Variants in HOMER2 observed in about 807,000 individuals in gnomAD.
HOMER2 encodes the protein homer scaffold protein 2, also known as homer protein homolog 2.
In HOMER2, 27 loss-of-function variants were observed where a neutral mutation model predicts 47.0. That is an observed-to-expected ratio of 0.57 (90% CI 0.42 to 0.79). The LOEUF is 0.79. Ranked by LOEUF, HOMER2 falls within the 30% of genes least tolerant of loss-of-function variation. The probability of loss-of-function intolerance (pLI) is 0.00; values close to 1 mark genes in which losing one functional copy is unlikely to be tolerated. For synonymous variants in HOMER2, 161 were observed against 163.8 expected, an observed-to-expected ratio of 0.98 and a Z score of 0.13; for missense variants, 443 against 435.0, an observed-to-expected ratio of 1.02 and a Z score of -0.16.
chr15:82,851,300 A>C, intron 7 of HOMER2, 69 bp from the exon 8 acceptor site: 7 of 1,081,680 alleles, frequency 6.5e-6, no homozygotes, highest in Middle Eastern at 2.0e-4. Context: ...AAAATCACCA[A>C]TGTGTGCACG....
intron 1 of HOMER2, among the ~76,000 whole-genome samples, chr15:82,906,563 G>C (rs985174064): frequency 1.3e-5 from 2 of 151,980 alleles, no homozygotes; most frequent in Non-Finnish European, 2.9e-5. Context: ...CTCCTGAGTA[G>C]CTGGGATTAC....
At chr15:82,955,368 A>C (rs559992157), upstream of HOMER2, among the ~76,000 whole-genome samples, 13 of 151,474 alleles carry the variant, frequency 8.6e-5, no homozygotes, top group South Asian at 2.7e-3. Context: ...ATGGGGTTTC[A>C]CCATGTTAGC....
At chr15:82,906,318 T>C (rs930846241) in intron 1 of HOMER2, among the ~76,000 whole-genome samples, 2 of 152,088 alleles carry the variant, frequency 1.3e-5, no homozygotes, top group Admixed American at 6.5e-5. Context: ...GTAACAAATA[T>C]GACAGATATT....
At position 82,893,623 on chromosome 15, in the gene HOMER2, G is replaced by GC. The variant is rs202189656; in HGVS notation, c.6-783dup. ...TAGGATTATAGGCGTAAGCCACTGC[G>GC]CCTTTTTTTTTTTTTTTTTAAGAGA... On this transcript the variant is annotated intron_variant, in intron 1 of 8. Coordinates refer to ENST00000450735, the MANE Select transcript of HOMER2 (RefSeq NM_004839.4). 2.4e-3 allele frequency among the ~76,000 whole-genome samples: 334 copies of GC among 137,742 alleles called. 2 individuals are homozygous for GC. Among genetic ancestry groups the GC allele is most frequent in the African/African-American group, 8.9e-3 (303 of 33,972 alleles). The allele number at this position is 137,742 out of a possible 152,430, so 90.4% of individuals were successfully genotyped here.
At chr15:82,961,259 T>C (rs1433266401) in intron 1 of HOMER2, among the ~76,000 whole-genome samples, 1 of 152,250 alleles carries the variant, frequency 6.6e-6, no homozygotes, top group Admixed American at 6.5e-5. Flanking sequence ...CACTTACTCA[T>C]ACAGATTTCC....
intron 1 of HOMER2, among the ~76,000 whole-genome samples, chr15:82,905,604 AAAGAT>A (rs1488731324): frequency 1.3e-4 from 20 of 152,254 alleles, no homozygotes; most frequent in African/African-American, 4.8e-4. Flanking sequence ...ACAAAGGAAC[AAAGAT>A]AAGAATGACA....
chr15:82,865,628 A>C (rs910615235), intron 3 of HOMER2, among the ~76,000 whole-genome samples: 1 of 152,208 alleles, frequency 6.6e-6, no homozygotes, highest in Non-Finnish European at 1.5e-5. Flanking sequence ...GATAAGCCCT[A>C]TGATATGGTT....
chr15:82,931,167 G>A (rs1336961069), intron 1 of HOMER2, among the ~76,000 whole-genome samples: 1 of 151,574 alleles, frequency 6.6e-6, no homozygotes, highest in Non-Finnish European at 1.5e-5. Flanking sequence ...GACATTTCCA[G>A]GGTTATGCCA....
At chr15:82,847,146 G>C (rs946939187), downstream of HOMER2, 1 of 152,232 alleles carries the variant, frequency 6.6e-6, no homozygotes, top group Non-Finnish European at 1.5e-5. Context: ...TGAGTCTGGC[G>C]TAAGGTTATG....
intron 3 of HOMER2, among the ~76,000 whole-genome samples, chr15:82,874,640 A>T (rs1221350623): frequency 6.6e-6 from 1 of 152,168 alleles, no homozygotes; most frequent in African/African-American, 2.4e-5. Context: ...AAAGTAACAT[A>T]CACACACCAC....
chr15:82,861,607 T>G (rs2051792789), intron 4 of HOMER2, among the ~76,000 whole-genome samples: 1 of 152,230 alleles, frequency 6.6e-6, no homozygotes, highest in Non-Finnish European at 1.5e-5. Context: ...TTAAGTGTTT[T>G]TGTAATTAGG....
intron 4 of HOMER2, among the ~76,000 whole-genome samples, chr15:82,859,453 G>C (rs1009562977): frequency 3.3e-5 from 5 of 152,152 alleles, no homozygotes; most frequent in East Asian, 1.9e-4. Context: ...CCAGTGCTCA[G>C]AGCCTTTTTA....
chr15:82,871,705 C>T (rs980566103), intron 3 of HOMER2, among the ~76,000 whole-genome samples: 2 of 152,144 alleles, frequency 1.3e-5, no homozygotes, highest in African/African-American at 4.8e-5. Context: ...GGACGGTGCA[C>T]TCCTCCTTAA....
At chr15:82,954,191 C>A (rs1230399873), upstream of HOMER2, among the ~76,000 whole-genome samples, 1 of 152,178 alleles carries the variant, frequency 6.6e-6, no homozygotes, top group African/African-American at 2.4e-5. Flanking sequence ...TTGTAGAACA[C>A]TGAACAAGTC....
chr15:82,942,003 C>T (rs1208177438), intron 1 of HOMER2, among the ~76,000 whole-genome samples: 4 of 152,166 alleles, frequency 2.6e-5, no homozygotes, highest in South Asian at 2.1e-4. Context: ...TCTTGACCCG[C>T]ATACTTCACT....
intron 1 of HOMER2, among the ~76,000 whole-genome samples, chr15:82,917,052 G>A (rs796914595): frequency 7.3e-5 from 11 of 151,636 alleles, no homozygotes; most frequent in Non-Finnish European, 1.2e-4. Flanking sequence ...CGCCTGCCTC[G>A]GCCTCTCAAA....
At chr15:82,965,801 G>C (rs536582066) in intron 1 of HOMER2, among the ~76,000 whole-genome samples, 1 of 151,470 alleles carries the variant, frequency 6.6e-6, no homozygotes, top group African/African-American at 2.4e-5. Context: ...GCAGATAAAA[G>C]AGGGGTCATG....
At chr15:82,944,787 A>C (rs1486965918) in intron 1 of HOMER2, among the ~76,000 whole-genome samples, 1 of 152,066 alleles carries the variant, frequency 6.6e-6, no homozygotes, top group Non-Finnish European at 1.5e-5. Flanking sequence ...AAAACAGGAA[A>C]TATAATGTCC....
chr15:82,938,331 G>A (rs1250948238), intron 1 of HOMER2, among the ~76,000 whole-genome samples: 3 of 152,072 alleles, frequency 2.0e-5, no homozygotes, highest in Non-Finnish European at 2.9e-5. Flanking sequence ...TTGAGATCGC[G>A]CCACTGCACT....
Sources: allele counts gnomAD v4.1 joint callset (sites outside exome capture counted in the v4.1 genomes callset), GRCh38; gene constraint gnomAD v4.1.1; transcripts MANE v1.5; gene names NCBI Gene and HGNC (gene_info 2026-07-23, HGNC 2026-07-21).